Variants in DSG1 observed in about 807,000 individuals in gnomAD.
The protein encoded by DSG1 is desmoglein-1.
A neutral mutation model predicts 97.5 loss-of-function variants in DSG1; 39 were observed. The ratio of observed to expected loss-of-function variants is 0.40; its 90% CI spans 0.31 to 0.52. The LOEUF (loss-of-function observed/expected upper bound fraction) is 0.52, where lower values mean the gene tolerates loss of function less well. DSG1 is among the 20% of genes least tolerant of loss of function. The pLI, the probability that DSG1 is intolerant of heterozygous loss-of-function variation, is 0.53. For missense variants in DSG1, 1,311 were observed against 1,295.4 expected, an observed-to-expected ratio of 1.01 and a Z score of -0.18; for synonymous variants, 475 against 443.4, an observed-to-expected ratio of 1.07 and a Z score of -0.90.
intron 14 of DSG1, chr18:31,347,881 C>G (rs1027526252): frequency 1.4e-4 from 20 of 140,894 alleles, no homozygotes; most frequent in Admixed American, 1.3e-3. Flanking sequence ...CTTTTCCAGA[C>G]AAAAAACAAA....
intron 4 of DSG1, among the ~76,000 whole-genome samples, 180 bp from the exon 5 acceptor site, chr18:31,329,712 A>T (rs183950537): frequency 3.1e-4 from 47 of 152,138 alleles, no homozygotes; most frequent in Non-Finnish European, 5.9e-4. Context: ...CCATGTAGCT[A>T]CTACCTAGCT....
In DSG1 at chr18:31,328,306, A is replaced by G; in HGVS notation, c.334A>G (p.Thr112Ala). 4 of 1,613,412 alleles carry G rather than the reference A, an allele frequency of 2.5e-6. No individual in the cohort carries two copies. Among genetic ancestry groups the G allele is most frequent in the Non-Finnish European group, 3.4e-6 (4 of 1,179,478 alleles). Reference protein sequence around the residue: ...INQKTGEINITSIVDREVTPF... With the variant: ...INQKTGEINIASIVDREVTPF... ...TCAGAAAACTGGTGAAATTAATATA[A>G]CATCCATAGTTGATCGAGAGGTCAC... Residue 112 changes from threonine to alanine, a missense_variant, in exon 4 of 15, where the codon ACA becomes GCA. Around this residue, in one of 3 missense-constraint regions of DSG1, gnomAD observed 259 missense variants for 304.1 expected, o/e 0.85. Coordinates refer to ENST00000257192, the MANE Select transcript of DSG1 (RefSeq NM_001942.4).
intron 1 of DSG1, among the ~76,000 whole-genome samples, chr18:31,323,759 AGTGCAT>A (rs1439912083): frequency 1.3e-5 from 2 of 152,094 alleles, no homozygotes. Flanking sequence ...CTGTCAAGCA[AGTGCAT>A]GTTCCATCCA....
chr18:31,354,317 T>A lies in DSG1; in HGVS notation c.2121T>A (p.Asp707Glu), dbSNP rs139058372. 6,016 of 1,614,186 alleles carry A rather than the reference T, an allele frequency of 3.7e-3. 202 individuals carry two copies. In the Admixed American group the frequency reaches 0.07, roughly 19 times the overall value. ...TTCAGAAAGCATATGCTTACGCAGA[T>A]GAAGATGAAGGACGCCCATCTAATG... Reference protein sequence around the residue: ...YFCQKAYAYADEDEGRPSNDC... With the variant: ...YFCQKAYAYAEEDEGRPSNDC... The change falls in exon 15 of 15, where the codon GAT becomes GAA. Residue 707 changes from aspartate to glutamate, a missense_variant. Transcript: ENST00000257192.
In DSG1 at chr18:31,355,331, G is replaced by A. The variant is rs143073535; in HGVS notation, c.3135G>A (p.Val1045=). 1 of 1,614,114 alleles carries A rather than the reference G, an allele frequency of 6.2e-7. No homozygotes were observed. Among genetic ancestry groups the A allele is most frequent in the Non-Finnish European group, 8.5e-7 (1 of 1,180,020 alleles). The change falls in exon 15 of 15, where the codon GTG becomes GTA. Residue 1045 remains valine (V), a synonymous_variant. Coordinates refer to ENST00000257192, the MANE Select transcript of DSG1 (RefSeq NM_001942.4). ...ARSRITKYST[V]QYSK ...GTCGAATCACAAAGTATAGTACCGTGCAATATAGCAAGTAGTCAGGACCCC... is the reference window on the plus strand; with the variant it reads ...GTCGAATCACAAAGTATAGTACCGTACAATATAGCAAGTAGTCAGGACCCC...
intron 8 of DSG1, 49 bp from the exon 9 acceptor site, chr18:31,336,305 G>T: frequency 1.3e-6 from 2 of 1,551,648 alleles, no homozygotes; most frequent in East Asian, 2.3e-5. Context: ...CTTTCACCTG[G>T]AACGTTTTAT....
At chr18:31,330,458 T>G (rs2071713594) in intron 5 of DSG1, among the ~76,000 whole-genome samples, 1 of 152,108 alleles carries the variant, frequency 6.6e-6, no homozygotes, top group Admixed American at 6.6e-5. Context: ...ACACAAAACT[T>G]CTTTTTGTGA....
intron 13 of DSG1, 42 bp downstream of exon 13, chr18:31,344,037 AG>A: frequency 7.4e-7 from 1 of 1,357,656 alleles, no homozygotes; most frequent in Non-Finnish European, 1.1e-6. Context: ...ATGCTTAAGT[AG>A]GAAGTCTATT....
At chr18:31,346,517 A>T (rs1001837477) in intron 14 of DSG1, among the ~76,000 whole-genome samples, 1 of 152,102 alleles carries the variant, frequency 6.6e-6, no homozygotes, top group Admixed American at 6.6e-5. Flanking sequence ...ACTCCTTGCC[A>T]TCAACTCCAC....
intron 1 of DSG1, among the ~76,000 whole-genome samples, chr18:31,321,175 G>A (rs2071651489): frequency 6.6e-6 from 1 of 151,898 alleles, no homozygotes; most frequent in Non-Finnish European, 1.5e-5. Flanking sequence ...CTGAAATTCT[G>A]TAAAATATGA....
At chr18:31,327,828 G>A (rs1254411989) in intron 3 of DSG1, among the ~76,000 whole-genome samples, 1 of 152,148 alleles carries the variant, frequency 6.6e-6, no homozygotes, top group African/African-American at 2.4e-5. Flanking sequence ...AGGGCAAAGA[G>A]TTTCCTTCTG....
chr18:31,330,293 G>A (rs944486445), intron 5 of DSG1, among the ~76,000 whole-genome samples: 4 of 152,022 alleles, frequency 2.6e-5, no homozygotes, highest in African/African-American at 9.7e-5. Flanking sequence ...AATTTTAAAG[G>A]CATTTTGCAC....
chr18:31,358,772 A>C lies in DSG1; in HGVS notation c.*3426A>C, dbSNP rs937388728. On this transcript the variant is annotated 3_prime_UTR_variant, in exon 15 of 15. Transcript: ENST00000257192. ...TTCATAAATTCCAACTTTTTTTTTT[A>C]CAATTTCTGGATTTTTAAGACCCAT... is the stretch of plus-strand genomic sequence containing the variant. Among the ~76,000 whole-genome samples, 2 of 151,408 alleles carry C rather than the reference A, an allele frequency of 1.3e-5. No individual in the cohort carries two copies. The highest frequency in any genetic ancestry group is 4.8e-5 in the African/African-American group (2 of 41,254).
intron 2 of DSG1, 27 bp from the exon 3 acceptor site, chr18:31,326,847 A>G: frequency 3.1e-6 from 5 of 1,608,946 alleles, no homozygotes; most frequent in South Asian, 1.1e-5. Context: ...ATTAATATAT[A>G]CCATTTCTTT....
intron 5 of DSG1, among the ~76,000 whole-genome samples, chr18:31,330,808 T>A (rs965626990): frequency 6.6e-6 from 1 of 152,136 alleles, no homozygotes; most frequent in African/African-American, 2.4e-5. Context: ...TCAGGACACA[T>A]AATTGTTTCA....
At position 31,354,749 on chromosome 18, in the gene DSG1, G is replaced by A; in HGVS notation, c.2553G>A (p.Val851=). Residue 851 remains valine, a synonymous_variant, in exon 15 of 15, where the codon GTG becomes GTA. Transcript: ENST00000257192. Reference sequence around the variant, plus strand: ...CCTCTGACACTCTGAAGCCCTCTGTGCACGTTCACGATAACCGACCAGCAT... The same window carrying A: ...CCTCTGACACTCTGAAGCCCTCTGTACACGTTCACGATAACCGACCAGCAT... The part of the protein sequence containing the change: ...YTTSDTLKPS[V]HVHDNRPASN... The A allele has an allele frequency of 1.9e-6, 3 of 1,614,164 alleles. No homozygotes were observed. Among genetic ancestry groups the A allele is most frequent in the Non-Finnish European group, 2.5e-6 (3 of 1,180,036 alleles).
In DSG1 at chr18:31,343,906, T is replaced by A. The variant is rs377463798; in HGVS notation, c.1822-20T>A. The A allele has an allele frequency of 6.3e-7, 1 of 1,592,662 alleles. No homozygotes were observed. The highest frequency in any genetic ancestry group is 8.6e-7 in the Non-Finnish European group (1 of 1,160,826). ...AGTCATTGGTCACTACAAATGGAAATGTTGTTTCCTGTCTTTTAGGATATA... is the reference window on the plus strand; with the variant it reads ...AGTCATTGGTCACTACAAATGGAAAAGTTGTTTCCTGTCTTTTAGGATATA... On this transcript the variant is annotated intron_variant, in intron 12 of 14. Coordinates refer to ENST00000257192, the MANE Select transcript of DSG1 (RefSeq NM_001942.4).
At chr18:31,350,893 A>G (rs2071890028) in intron 14 of DSG1, among the ~76,000 whole-genome samples, 1 of 150,432 alleles carries the variant, frequency 6.6e-6, no homozygotes, top group Admixed American at 6.6e-5. Context: ...CAGTCTATCA[A>G]TTTTGTTGAC....
In DSG1 at chr18:31,357,468, G is replaced by A. The variant is rs1283361365; in HGVS notation, c.*2122G>A. On this transcript the variant is annotated 3_prime_UTR_variant, in exon 15 of 15. Transcript: ENST00000257192. The stretch of plus-strand genomic sequence containing the variant: ...GAATTAATTAAGTAATTTATTAAAG[G>A]GAATGGTAGCTGACCACAGGAAACT... Among the ~76,000 whole-genome samples, 1 of 151,948 alleles carries A rather than the reference G, an allele frequency of 6.6e-6. No individual in the cohort carries two copies.
Sources: gnomAD v4.1 joint callset for allele counts (sites outside exome capture counted in the v4.1 genomes callset) on GRCh38, gnomAD v4.1.1 for gene constraint, gnomAD v4.1.1 regional missense constraint, MANE v1.5 for transcripts, NCBI Gene and HGNC (gene_info 2026-07-23, HGNC 2026-07-21) for gene names.